The following CDC6 variants were observed in gnomAD, a reference collection of about 807,000 sequenced individuals.
CDC6 encodes the protein DNA replication factor CDC6.
CDC6 carries 46 observed loss-of-function variants against 60.2 expected under a neutral mutation model. That is an observed-to-expected ratio of 0.76 (90% CI 0.60 to 0.98). The LOEUF is 0.98. CDC6 is among the 50% of genes least tolerant of loss of function. The pLI, the probability that CDC6 is intolerant of heterozygous loss-of-function variation, is 0.00. For missense variants in CDC6, 596 were observed against 652.9 expected (o/e 0.91, Z 0.95); for synonymous variants, 210 against 233.2 (o/e 0.90, Z 0.90).
At chr17:40,298,681 G>C (rs2032894616) in intron 9 of CDC6, among the ~76,000 whole-genome samples, 1 of 152,180 alleles carries the variant, frequency 6.6e-6, no homozygotes, top group Non-Finnish European at 1.5e-5. Flanking sequence ...GGAATTACAG[G>C]CATGAGCCAC....
intron 2 of CDC6, 65 bp from the exon 3 acceptor site, chr17:40,290,993 G>A (rs1207691620): frequency 1.3e-6 from 2 of 1,505,868 alleles, no homozygotes; most frequent in East Asian, 4.5e-5. Flanking sequence ...AGAGGCAGAG[G>A]TCTTGCACAT....
intron 2 of CDC6, among the ~76,000 whole-genome samples, chr17:40,290,706 GTGTGGATA>G (rs957142050): frequency 2.6e-5 from 4 of 152,190 alleles, no homozygotes; most frequent in Non-Finnish European, 5.9e-5. Context: ...AGCATATACA[GTGTGGATA>G]TGCTGGCTGA....
chr17:40,294,517 A>G lies in CDC6; in HGVS notation c.1083+14A>G, dbSNP rs767048978. 1.7e-5 allele frequency: 27 copies of G among 1,613,030 alleles called. No homozygotes were observed. The highest frequency in any genetic ancestry group is 8.5e-7 in the Non-Finnish European group (1 of 1,179,262). On this transcript the variant is annotated intron_variant, in intron 7 of 11. Coordinates refer to ENST00000209728, the MANE Select transcript of CDC6 (RefSeq NM_001254.4). ...CGACTTAATCAGGTCAGTGCCAACTATTTTGCCAAATTATGTGTTCCTTGG... is the reference window on the plus strand; with the variant it reads ...CGACTTAATCAGGTCAGTGCCAACTGTTTTGCCAAATTATGTGTTCCTTGG...
chr17:40,291,733 G>GTTTGTTTTGTTTTGT (rs374722338), intron 4 of CDC6, 65 bp downstream of exon 4: 1 of 1,506,538 alleles, frequency 6.6e-7, no homozygotes, highest in Admixed American at 1.7e-5. Context: ...TTGTTTGTTT[G>GTTTGTTTTGTTTTGT]TTTGTTTTGT....
intron 9 of CDC6, 51 bp downstream of exon 9, chr17:40,296,818 T>G (rs764032953): frequency 1.2e-5 from 14 of 1,164,998 alleles, no homozygotes; most frequent in Non-Finnish European, 1.7e-5. Context: ...AAGCTTAGCT[T>G]TTCTGAGGAA....
chr17:40,295,961 C>T (rs1185004531), intron 8 of CDC6, among the ~76,000 whole-genome samples: 2 of 152,064 alleles, frequency 1.3e-5, no homozygotes, highest in African/African-American at 4.8e-5. Context: ...GAAATTTCTT[C>T]CTTCCCAGTA....
chr17:40,299,509 A>G (rs1264721863), intron 9 of CDC6, among the ~76,000 whole-genome samples: 1 of 151,812 alleles, frequency 6.6e-6, no homozygotes, highest in Non-Finnish European at 1.5e-5. Flanking sequence ...AAGTGAGAAC[A>G]TGTGGTATTT....
At chr17:40,298,230 A>G (rs1383720964) in intron 9 of CDC6, among the ~76,000 whole-genome samples, 2 of 152,070 alleles carry the variant, frequency 1.3e-5, no homozygotes, top group East Asian at 1.9e-4. Context: ...CTCCTTTTCA[A>G]CTTTTCAGAT....
At chr17:40,293,103 G>A (rs1231018671) in intron 4 of CDC6, among the ~76,000 whole-genome samples, 5 of 152,058 alleles carry the variant, frequency 3.3e-5, no homozygotes, top group Non-Finnish European at 7.4e-5. Flanking sequence ...GCTGGGTGTG[G>A]TGGTGCATCC....
Position 40,303,755 on chromosome 17 carries a change from A to C in CDC6, c.*1754A>C, listed in dbSNP as rs182849605. The C allele has an allele frequency of 6.6e-6, 1 of 152,402 alleles. No individual in the cohort carries two copies. Among genetic ancestry groups the C allele is most frequent in the Non-Finnish European group, 1.5e-5 (1 of 68,044 alleles). 9.4% of individuals were successfully genotyped at this position (152,402 alleles called of 1,614,324 possible). On this transcript the variant is annotated 3_prime_UTR_variant, in exon 12 of 12. Transcript: ENST00000209728. The stretch of plus-strand genomic sequence containing the variant: ...ATGCATAATTGCAAAGATTGTCCGA[A>C]GGCTGATGGAAAGCAGAGACTGAAT...
intron 9 of CDC6, among the ~76,000 whole-genome samples, chr17:40,299,173 G>C (rs2032902701): frequency 1.1e-5 from 1 of 94,802 alleles, no homozygotes; most frequent in African/African-American, 4.1e-5. Context: ...TTTTGAGACA[G>C]GGTCTCGCTC....
intron 9 of CDC6, 73 bp downstream of exon 9, chr17:40,296,840 GATGAA>G: frequency 1.0e-6 from 1 of 1,000,670 alleles, no homozygotes; most frequent in Non-Finnish European, 1.6e-6. Context: ...GAGGTAGAAA[GATGAA>G]ATGAACATAG....
At position 40,288,880 on chromosome 17, in the gene CDC6, T is replaced by C. The variant is rs2032705725; in HGVS notation, c.-13-528T>C. Among the ~76,000 whole-genome samples, 4 of 152,110 alleles carry C rather than the reference T, an allele frequency of 2.6e-5. No individual in the cohort carries two copies. In the South Asian group the frequency reaches 8.3e-4, roughly 31 times the overall value. On this transcript the variant is annotated intron_variant, in intron 1 of 11. Coordinates refer to ENST00000209728, the MANE Select transcript of CDC6 (RefSeq NM_001254.4). ...CGTTTGGCCGTAATTTTTGTATTTTTAGTAGAGACGGGGTTTCTCCATGTT... is the reference window on the plus strand; with the variant it reads ...CGTTTGGCCGTAATTTTTGTATTTTCAGTAGAGACGGGGTTTCTCCATGTT...
chr17:40,291,384 G>A (rs768912489), intron 3 of CDC6, 45 bp downstream of exon 3: 3 of 1,612,716 alleles, frequency 1.9e-6, no homozygotes, highest in Non-Finnish European at 2.5e-6. Context: ...TTGTAACCAA[G>A]GCTGATGACT....
At chr17:40,294,744 AGAT>A (rs2032833694) in intron 7 of CDC6, among the ~76,000 whole-genome samples, 1 of 145,294 alleles carries the variant, frequency 6.9e-6, no homozygotes, top group African/African-American at 2.5e-5. Flanking sequence ...TTTTTTTTTT[AGAT>A]GAGTTTTGCT....
rs1274724274 is a variant in CDC6 at position 40,294,275 on chromosome 17, T to C, written c.944-89T>C. The C allele has an allele frequency of 3.5e-6, 4 of 1,135,264 alleles. No individual in the cohort carries two copies. The East Asian group carries it at 9.5e-5, about 27-fold the overall frequency. The allele number at this position is 1,135,264 out of a possible 1,614,324, so 70.3% of individuals were successfully genotyped here. On this transcript the variant is annotated intron_variant, in intron 6 of 11. Transcript: ENST00000209728. ...GCAACAATTAGAATGCTAGATTCTA[T>C]AACTGGAGATTTATTTAGCTTTCAG...
chr17:40,297,689 G>A (rs994198257), intron 9 of CDC6, among the ~76,000 whole-genome samples: 5 of 152,136 alleles, frequency 3.3e-5, no homozygotes, highest in Non-Finnish European at 7.4e-5. Context: ...AATCACTTGA[G>A]CTGGAGAGGC....
intron 9 of CDC6, among the ~76,000 whole-genome samples, chr17:40,300,219 C>T (rs1398021185): frequency 6.6e-6 from 1 of 152,214 alleles, no homozygotes; most frequent in Non-Finnish European, 1.5e-5. Flanking sequence ...CCGCCTTGAT[C>T]TCCCAAAGTG....
intron 7 of CDC6, 43 bp downstream of exon 7, chr17:40,294,546 A>C: frequency 6.3e-7 from 1 of 1,595,112 alleles, no homozygotes; most frequent in Non-Finnish European, 8.6e-7. Flanking sequence ...TCCTTGGATC[A>C]CCTGTGCTAG....
Sources: allele counts gnomAD v4.1 joint callset (sites outside exome capture counted in the v4.1 genomes callset), GRCh38; gene constraint gnomAD v4.1.1; transcripts MANE v1.5; gene names NCBI Gene and HGNC (gene_info 2026-07-23, HGNC 2026-07-21).